Variants in POLR3A observed in about 807,000 individuals in gnomAD.
POLR3A encodes the protein DNA-directed RNA polymerase III subunit RPC1.
In POLR3A, 112 loss-of-function variants were observed where a neutral mutation model predicts 152.8. The observed-to-expected ratio is 0.73, with a 90% CI of 0.63 to 0.86. The LOEUF (loss-of-function observed/expected upper bound fraction) is 0.86. Among genes scored for constraint, POLR3A ranks in the 40% least tolerant of loss-of-function variants. POLR3A has a pLI of 0.00. For synonymous variants in POLR3A, 615 were observed against 652.1 expected (o/e 0.94, Z 0.87); for missense variants, 1,385 against 1,743.1 (o/e 0.79, Z 3.66).
Position 77,976,582 on chromosome 10 carries a change from G to A in POLR3A, c.*896C>T, listed in dbSNP as rs934761813. On this transcript the variant is annotated 3_prime_UTR_variant, in exon 31 of 31. Transcript: ENST00000372371. ...AATGGCTACCCCGGGTACCTTAACA[G>A]CATCAACTCAGAACTTAAAAAATCA... The A allele has an allele frequency of 6.6e-6, 1 of 152,210 alleles. No homozygotes were observed. The highest frequency in any genetic ancestry group is 2.4e-5 in the African/African-American group (1 of 41,436). The allele number at this position is 152,210 out of a possible 1,614,324, so 9.4% of individuals were successfully genotyped here.
intron 20 of POLR3A, among the ~76,000 whole-genome samples, chr10:77,992,078 T>C (rs1234199603): frequency 6.6e-6 from 1 of 152,178 alleles, no homozygotes; most frequent in Non-Finnish European, 1.5e-5. Flanking sequence ...ATTGTCCAGC[T>C]ACTCTCCAAA....
chr10:77,986,816 T>C (rs1241442766), intron 21 of POLR3A, among the ~76,000 whole-genome samples: 1 of 152,154 alleles, frequency 6.6e-6, no homozygotes, highest in Non-Finnish European at 1.5e-5. Flanking sequence ...CATCAGTATA[T>C]GCTGCGATTC....
At chr10:77,987,279 A>G (rs1847206854) in intron 21 of POLR3A, among the ~76,000 whole-genome samples, 1 of 152,160 alleles carries the variant, frequency 6.6e-6, no homozygotes, top group Non-Finnish European at 1.5e-5. Flanking sequence ...GGGATGATAT[A>G]GTCTCTGAGA....
At chr10:78,029,092 G>T (rs1847665056) in intron 1 of POLR3A, among the ~76,000 whole-genome samples, 1 of 152,130 alleles carries the variant, frequency 6.6e-6, no homozygotes, top group Admixed American at 6.5e-5. Flanking sequence ...AGGAGAATGC[G>T]AGCTTTGGCC....
intron 19 of POLR3A, among the ~76,000 whole-genome samples, chr10:77,994,813 C>A (rs2131938076): frequency 6.6e-6 from 1 of 152,150 alleles, no homozygotes; most frequent in African/African-American, 2.4e-5. Flanking sequence ...ACAGAGAACA[C>A]CACAAAGATA....
chr10:77,978,049 T>G (rs960007449), intron 30 of POLR3A, among the ~76,000 whole-genome samples: 4 of 152,214 alleles, frequency 2.6e-5, no homozygotes, highest in Admixed American at 6.5e-5. Flanking sequence ...GGGACAGTAG[T>G]GAGCAGAATA....
intron 11 of POLR3A, chr10:78,013,197 T>C (rs1847483670): frequency 3.8e-6 from 1 of 266,194 alleles, no homozygotes; most frequent in South Asian, 4.5e-5. Flanking sequence ...AAGTATGTAA[T>C]ATAGTTTAGG....
chr10:77,982,240 G>C lies in POLR3A; in HGVS notation c.3673C>G (p.Leu1225Val). ...DEQSGKEKYK[L>V]LVEGDNLRAV... is the part of the protein sequence containing the mutation. ...CGCAGGTTATCACCTTCCACCAGAA[G>C]CTTGTACTTCTCCTTTCCACTCTGC... Residue 1225 changes from leucine (L) to valine (V), a missense_variant, in exon 28 of 31, where the codon CTT (leucine) becomes GTT (valine). This residue lies in a region of POLR3A where 332 missense variants were observed against 400.1 expected (regional missense o/e 0.83). Coordinates refer to ENST00000372371, the MANE Select transcript of POLR3A (RefSeq NM_007055.4). 1.9e-6 allele frequency: 3 copies of C among 1,613,926 alleles called. No homozygotes were observed. The highest frequency in any genetic ancestry group is 2.5e-6 in the Non-Finnish European group (3 of 1,179,962).
intron 7 of POLR3A, 66 bp downstream of exon 7, chr10:78,021,794 C>A (rs902770948): frequency 3.7e-5 from 59 of 1,610,024 alleles, no homozygotes; most frequent in Non-Finnish European, 4.6e-5. Flanking sequence ...AGAAGCTGGA[C>A]AGACACTCCT....
chr10:77,986,353 A>C (rs554511003), intron 21 of POLR3A, among the ~76,000 whole-genome samples, 194 bp from the exon 22 acceptor site: 1 of 152,240 alleles, frequency 6.6e-6, no homozygotes, highest in East Asian at 1.9e-4. Context: ...CACACTGTCC[A>C]TACCCCAGAC....
chr10:77,991,973 C>T (rs2131936174), intron 20 of POLR3A, among the ~76,000 whole-genome samples: 1 of 152,310 alleles, frequency 6.6e-6, no homozygotes. Context: ...AAAAAACATT[C>T]TTGGCATAGT....
At chr10:78,013,888 T>C (rs997725410) in intron 10 of POLR3A, 98 bp from the exon 11 acceptor site, 1 of 1,364,036 alleles carries the variant, frequency 7.3e-7, no homozygotes, top group Non-Finnish European at 1.0e-6. Context: ...CCTGGAATAC[T>C]GGGCACTGGC....
rs184043149 is a variant in POLR3A, at chr10:77,976,858, C to T, written c.*620G>A. On this transcript the variant is annotated 3_prime_UTR_variant, in exon 31 of 31. Transcript: ENST00000372371. ...TTGCACCTCAGTTACAAATCCCAGA[C>T]GGCTCTATTTGCTTAAACCAGTTTT... 1.7e-3 allele frequency: 265 copies of T among 154,002 alleles called. No homozygotes were observed. Among genetic ancestry groups the T allele is most frequent in the Non-Finnish European group, 2.7e-3 (185 of 69,286 alleles). The allele number at this position is 154,002 out of a possible 1,614,324, so 9.5% of individuals were successfully genotyped here.
intron 11 of POLR3A, among the ~76,000 whole-genome samples, chr10:78,012,684 G>A (rs1847478012): frequency 6.6e-6 from 1 of 151,952 alleles, no homozygotes; most frequent in South Asian, 2.1e-4. Context: ...TGCTATTGCT[G>A]GGTCAGGAGT....
At chr10:78,013,193 G>C (rs1847483583) in intron 11 of POLR3A, 1 of 265,642 alleles carries the variant, frequency 3.8e-6, no homozygotes, top group African/African-American at 2.2e-5. Flanking sequence ...GACGAAGTAT[G>C]TAATATAGTT....
chr10:78,029,465 G>T lies in POLR3A; in HGVS notation c.-58C>A. 6.3e-7 allele frequency: 1 copy of T among 1,578,900 alleles called. No individual in the cohort carries two copies. The highest frequency in any genetic ancestry group is 8.7e-7 in the Non-Finnish European group (1 of 1,149,292). On this transcript the variant is annotated 5_prime_UTR_variant, in exon 1 of 31. Transcript: ENST00000372371. ...CGGGAGGCCAGATTAGAGAAACGATGCCCCCAGCACCTCCTGGGGCTGCTT... is the reference window on the plus strand; with the variant it reads ...CGGGAGGCCAGATTAGAGAAACGATTCCCCCAGCACCTCCTGGGGCTGCTT...
At chr10:77,981,349 T>G in intron 29 of POLR3A, 79 bp downstream of exon 29, 1 of 1,384,932 alleles carries the variant, frequency 7.2e-7, no homozygotes, top group Non-Finnish European at 1.0e-6. Flanking sequence ...TCTACATGTC[T>G]TAGAAACTCC....
At chr10:77,994,088 C>T (rs74583209) in intron 19 of POLR3A, among the ~76,000 whole-genome samples, 5,584 of 152,280 alleles carry the variant, frequency 0.037, 162 homozygotes, top group Middle Eastern at 0.068. Flanking sequence ...TAAAAACACA[C>T]ATTATGACAA....
chr10:77,987,521 C>T (rs1847208995), intron 21 of POLR3A, among the ~76,000 whole-genome samples: 1 of 152,016 alleles, frequency 6.6e-6, no homozygotes, highest in African/African-American at 2.4e-5. Flanking sequence ...GGCTGAGGGT[C>T]CCCCAGAGAG....
Sources: allele counts gnomAD v4.1 joint callset (sites outside exome capture counted in the v4.1 genomes callset), GRCh38; gene constraint gnomAD v4.1.1; regional missense constraint gnomAD v4.1.1; transcripts MANE v1.5; gene names NCBI Gene and HGNC (gene_info 2026-07-23, HGNC 2026-07-21).